The following UBTF variants were observed in gnomAD, a reference collection of about 807,000 sequenced individuals.
UBTF encodes the protein upstream binding transcription factor.
In UBTF, 8 loss-of-function variants were observed where a neutral mutation model predicts 112.3. The ratio of observed to expected loss-of-function variants is 0.07; its 90% CI spans 0.04 to 0.13. The LOEUF (loss-of-function observed/expected upper bound fraction) is 0.13. UBTF is among the 10% of genes least tolerant of loss of function. The pLI is 1.00. For synonymous variants in UBTF, 417 were observed against 373.1 expected (o/e 1.12, Z -1.36); for missense variants, 457 against 982.1 (o/e 0.47, Z 7.15).
rs1291931331 is a variant in UBTF at position 44,213,390 on chromosome 17, G to A, written c.475-108C>T. ...CTGGCTCTTCTGCCTCCCACGCTGT[G>A]ATGCAGGGAGTGGAGGCTGGCGCCC... On this transcript the variant is annotated intron_variant, in intron 5 of 20. Coordinates refer to ENST00000436088, the MANE Select transcript of UBTF (RefSeq NM_014233.4). The A allele has an allele frequency of 6.5e-6, 8 of 1,238,694 alleles. No homozygotes were observed. In the Admixed American group the frequency reaches 9.6e-5, roughly 15 times the overall value. 76.7% of individuals were successfully genotyped at this position (1,238,694 alleles called of 1,614,324 possible).
intron 5 of UBTF, chr17:44,215,268 G>A (rs929424116): frequency 1.7e-5 from 3 of 180,258 alleles, no homozygotes; most frequent in Non-Finnish European, 3.5e-5. Flanking sequence ...TTTTCCTAGG[G>A]TTACCTTTAT....
chr17:44,206,988 G>A lies in UBTF; in HGVS notation c.*254C>T, dbSNP rs750548177. ...TGGGTGGGGTGGGCCAGGCTGGTCC[G>A]GTGCTGGCTTAGTCTGATAGTTGCT... On this transcript the variant is annotated 3_prime_UTR_variant, in exon 21 of 21. Coordinates refer to ENST00000436088, the MANE Select transcript of UBTF (RefSeq NM_014233.4). 9 of 549,134 alleles carry A rather than the reference G, an allele frequency of 1.6e-5. No homozygotes were observed. Among genetic ancestry groups the A allele is most frequent in the East Asian group, 9.0e-5 (3 of 33,268 alleles). The allele number at this position is 549,134 out of a possible 1,614,324, so 34.0% of individuals were successfully genotyped here.
chr17:44,209,887 G>A (rs895107402), intron 15 of UBTF, among the ~76,000 whole-genome samples, 154 bp from the exon 16 acceptor site: 3 of 152,196 alleles, frequency 2.0e-5, no homozygotes, highest in South Asian at 2.1e-4. Context: ...AACAGCTCAC[G>A]TCTGAGGCAG....
chr17:44,207,885 T>G lies in UBTF; in HGVS notation c.1932A>C (p.Ala644=), dbSNP rs772317872. 3.7e-6 allele frequency: 6 copies of G among 1,613,994 alleles called. No individual in the cohort carries two copies. The highest frequency in any genetic ancestry group is 5.1e-6 in the Non-Finnish European group (6 of 1,180,002). The change falls in exon 18 of 21, where the codon GCA becomes GCC. Residue 644 remains alanine, a synonymous_variant. Coordinates refer to ENST00000436088, the MANE Select transcript of UBTF (RefSeq NM_014233.4). The part of the protein sequence containing the change: ...VKSLSPQDRA[A]YKEYISNKRK... ...TCACATTGGAGATGTACTCTTTATA[T>G]GCTGCACGGTCCTGGGGAGACAGGC...
chr17:44,210,285 G>A lies in UBTF; in HGVS notation c.1515+33C>T, dbSNP rs574016586. The A allele has an allele frequency of 6.2e-6, 10 of 1,614,264 alleles. No homozygotes were observed. The African/African-American group carries it at 6.7e-5, about 11-fold the overall frequency. On this transcript the variant is annotated intron_variant, in intron 14 of 20. Transcript: ENST00000436088. ...GTGGGAGGGGTCACCCGGGGCTAGA[G>A]GCTGCAGTACTACCCTTTCCCACCC...
chr17:44,216,489 G>T (rs765679124), intron 3 of UBTF, 40 bp downstream of exon 3: 8 of 1,605,294 alleles, frequency 5.0e-6, no homozygotes, highest in African/African-American at 4.0e-5. Context: ...CACGCTGAGT[G>T]GGGGGTATGT....
In UBTF at chr17:44,210,044, G is replaced by A. The variant is rs112180818; in HGVS notation, c.1626+80C>T. ...GCTGAGAGTCACAGACCAAGGCTGG[G>A]ACTTCTTGCTCAGAGCTGCCCAACC... On this transcript the variant is annotated intron_variant, in intron 15 of 20. Coordinates refer to ENST00000436088, the MANE Select transcript of UBTF (RefSeq NM_014233.4). 2,377 of 1,423,000 alleles carry A rather than the reference G, an allele frequency of 1.7e-3. 43 individuals are homozygous for A. In the African/African-American group the frequency reaches 0.03, roughly 18 times the overall value. The allele number at this position is 1,423,000 out of a possible 1,614,324, so 88.1% of individuals were successfully genotyped here.
At position 44,207,123 on chromosome 17, in the gene UBTF, G is replaced by A; in HGVS notation, c.*119C>T. The A allele has an allele frequency of 1.8e-6, 2 of 1,082,664 alleles. No individual in the cohort carries two copies. The highest frequency in any genetic ancestry group is 2.6e-6 in the Non-Finnish European group (2 of 768,956). The allele number at this position is 1,082,664 out of a possible 1,614,324, so 67.1% of individuals were successfully genotyped here. A position where few individuals can be genotyped will look rare whatever the true frequency, so the allele number is the denominator to read the frequency against. ...GTATTTTTTTTTTTTTTTAAAGAAAGAAAGAAAGTGGGGGAGGCCAGGGGG... is the reference window on the plus strand; with the variant it reads ...GTATTTTTTTTTTTTTTTAAAGAAAAAAAGAAAGTGGGGGAGGCCAGGGGG... On this transcript the variant is annotated 3_prime_UTR_variant, in exon 21 of 21. Coordinates refer to ENST00000436088, the MANE Select transcript of UBTF (RefSeq NM_014233.4).
At chr17:44,218,831 A>G (rs1000897055) in intron 1 of UBTF, among the ~76,000 whole-genome samples, 2 of 147,786 alleles carry the variant, frequency 1.4e-5, no homozygotes, top group South Asian at 4.3e-4. Context: ...GAGCGGCCGC[A>G]CCGCCCCCGG....
Position 44,206,821 on chromosome 17 carries a change from C to A in UBTF, c.*421G>T, listed in dbSNP as rs956133517. ...ATGCAGGGGTCCAGGTGGCAGGCCC[C>A]TCTGGGAAGGAATGGGTCTTCCCCA... On this transcript the variant is annotated 3_prime_UTR_variant, in exon 21 of 21. Transcript: ENST00000436088. 4.4e-6 allele frequency: 1 copy of A among 228,692 alleles called. No homozygotes were observed. The highest frequency in any genetic ancestry group is 5.3e-5 in the Admixed American group (1 of 18,980). 14.2% of individuals were successfully genotyped at this position (228,692 alleles called of 1,614,324 possible). A position where few individuals can be genotyped will look rare whatever the true frequency, so the allele number is the denominator to read the frequency against.
At chr17:44,220,800 G>C (rs1206837733), upstream of UBTF, 1 of 152,090 alleles carries the variant, frequency 6.6e-6, no homozygotes, top group Non-Finnish European at 1.5e-5. Flanking sequence ...CCGAACAGTC[G>C]AGCCGCAGCT....
rs776082495 is a variant in UBTF at position 44,213,265 on chromosome 17, G to A, written c.492C>T (p.Asp164=). Residue 164 remains aspartate, a synonymous_variant, in exon 6 of 21, where the codon GAC becomes GAT. Coordinates refer to ENST00000436088, the MANE Select transcript of UBTF (RefSeq NM_014233.4). ...CGAACTCCTGTTTCTCTCTCTGGAA[G>A]TCCTGAATATATTTCATCTGGGGGG... ...PEKKKMKYIQ[D]FQREKQEFER... The A allele has an allele frequency of 1.2e-6, 2 of 1,613,810 alleles. No homozygotes were observed. Among genetic ancestry groups the A allele is most frequent in the Non-Finnish European group, 8.5e-7 (1 of 1,179,820 alleles).
Position 44,207,178 on chromosome 17 carries a change from AGGT to A in UBTF, c.*61_*63del. 6.3e-7 allele frequency: 1 copy of A among 1,582,608 alleles called. No homozygotes were observed. Among genetic ancestry groups the A allele is most frequent in the Non-Finnish European group, 8.6e-7 (1 of 1,156,718 alleles). On this transcript the variant is annotated 3_prime_UTR_variant, in exon 21 of 21. Transcript: ENST00000436088. ...GGGACAGAACATGGGGGAGAAACAA[AGGT>A]GGTCAGTTGGGGAGGGGAGCTCCTG...
At chr17:44,220,094 G>C (rs1473637687), upstream of UBTF, among the ~76,000 whole-genome samples, 2 of 144,836 alleles carry the variant, frequency 1.4e-5, no homozygotes, top group African/African-American at 2.5e-5. Flanking sequence ...AAGGGGGGGG[G>C]GGCCGGGGCA....
intron 17 of UBTF, 36 bp from the exon 18 acceptor site, chr17:44,207,947 G>C: frequency 6.2e-7 from 1 of 1,613,522 alleles, no homozygotes; most frequent in Non-Finnish European, 8.5e-7. Flanking sequence ...TTGGAACATA[G>C]CCAACTACTG....
rs765119139 is a variant in UBTF, at chr17:44,215,821, G to A, written c.319-12C>T. The A allele has an allele frequency of 1.9e-5, 31 of 1,613,958 alleles. No homozygotes were observed. The highest frequency in any genetic ancestry group is 1.5e-4 in the Admixed American group (9 of 59,990). ...AAGTCTGGGTGTTTCTGGAAGAAGG[G>A]ACAAGGACACAATGGAGGTCAAATA... On this transcript the variant is annotated splice_polypyrimidine_tract_variant and intron_variant, in intron 4 of 20. Transcript: ENST00000436088.
Position 44,212,778 on chromosome 17 carries a change from G to T in UBTF, c.660+41C>A, listed in dbSNP as rs368948979. 5 of 1,609,446 alleles carry T rather than the reference G, an allele frequency of 3.1e-6. No individual in the cohort carries two copies. The African/African-American group carries it at 4.0e-5, about 13-fold the overall frequency. On this transcript the variant is annotated intron_variant, in intron 7 of 20. Transcript: ENST00000436088. ...CTGGCGCGGCTCCCCCCTGGCCACC[G>T]CCGTGCATCCTCCACCCCCAACCCT...
intron 5 of UBTF, among the ~76,000 whole-genome samples, chr17:44,213,617 C>T (rs1449529032): frequency 6.6e-6 from 1 of 152,214 alleles, no homozygotes. Flanking sequence ...CTCGTTTCTC[C>T]AACACCATAG....
At chr17:44,212,289 G>T (rs549441409) in intron 8 of UBTF, 55 bp downstream of exon 8, 1 of 1,489,218 alleles carries the variant, frequency 6.7e-7, no homozygotes, top group African/African-American at 1.4e-5. Flanking sequence ...CCACGGAGTC[G>T]GAGGGCAGAG....
Sources: allele counts gnomAD v4.1 joint callset (sites outside exome capture counted in the v4.1 genomes callset), GRCh38; gene constraint gnomAD v4.1.1; transcripts MANE v1.5; gene names NCBI Gene and HGNC (gene_info 2026-07-23, HGNC 2026-07-21).